SLC9A3: variants seen among roughly 807,000 people sequenced by gnomAD.
SLC9A3 encodes the protein sodium/hydrogen exchanger 3.
Under a neutral mutation model 86.8 loss-of-function variants are expected in SLC9A3, and 37 were observed. The ratio of observed to expected loss-of-function variants is 0.43; its 90% CI spans 0.33 to 0.56. SLC9A3 has a LOEUF of 0.56. Among genes scored for constraint, SLC9A3 ranks in the 20% least tolerant of loss-of-function variants. The pLI, the probability that SLC9A3 is intolerant of heterozygous loss-of-function variation, is 0.06. For synonymous variants in SLC9A3, 581 were observed against 528.3 expected (o/e 1.10, Z -1.37); for missense variants, 1,011 against 1,171.9 (o/e 0.86, Z 2.00).
rs1320617129 is a variant in SLC9A3 at position 507,183 on chromosome 5, T to TTTTTTTTTTTTTTTTTTG, written c.212-15113_212-15112insCAAAAAAAAAAAAAAAAA. Among the ~76,000 whole-genome samples, 33 of 88,976 alleles carry TTTTTTTTTTTTTTTTTTG rather than the reference T, an allele frequency of 3.7e-4. 7 individuals are homozygous for TTTTTTTTTTTTTTTTTTG. Among genetic ancestry groups the TTTTTTTTTTTTTTTTTTG allele is most frequent in the African/African-American group, 1.5e-3 (28 of 18,446 alleles). The allele number at this position is 88,976 out of a possible 152,430, so 58.4% of individuals were successfully genotyped here. On this transcript the variant is annotated intron_variant, in intron 1 of 16. Coordinates refer to ENST00000264938, the MANE Select transcript of SLC9A3 (RefSeq NM_004174.4). ...TGCTGCTTCTTTTTTTTTTTTTTTTTTTTGAGACGGAGTCTGGCTCTGTTG... is the reference window on the plus strand; with the variant it reads ...TGCTGCTTCTTTTTTTTTTTTTTTTTTTTTTTTTTTTTTTTTTGTTTGAGACGGAGTCTGGCTCTGTTG...
At chr5:512,830 C>T (rs190713096) in intron 1 of SLC9A3, among the ~76,000 whole-genome samples, 64 of 152,230 alleles carry the variant, frequency 4.2e-4, no homozygotes, top group African/African-American at 9.4e-4. Context: ...GCCCAGGCTG[C>T]GGCACCCCTG....
Position 476,666 on chromosome 5 carries a change from TTC to T in SLC9A3, c.1765_1766del (p.Glu589LysfsTer138), listed in dbSNP as rs1254240003. 6.2e-7 allele frequency: 1 copy of T among 1,604,416 alleles called. No homozygotes were observed. Among genetic ancestry groups the T allele is most frequent in the African/African-American group, 1.3e-5 (1 of 75,052 alleles). On this transcript the variant is annotated frameshift_variant, in exon 12 of 17. Coordinates refer to ENST00000264938, the MANE Select transcript of SLC9A3 (RefSeq NM_004174.4). LOFTEE classifies it high-confidence loss of function. Reference sequence around the variant, plus strand: ...TGTCCAGGCAGACAGCGCTGACATTTTCTCTCCTGCGTGGGGACCAGCGCTGA... The same window carrying T: ...TGTCCAGGCAGACAGCGCTGACATTTTCTCCTGCGTGGGGACCAGCGCTGA... ...VEASVSYLLRENVSAVCLDMQ... is the reference protein window; with the variant it reads ...VEASVSYLLRXNVSAVCLDMQ...
intron 1 of SLC9A3, among the ~76,000 whole-genome samples, chr5:511,863 C>A (rs1271523951): frequency 3.9e-5 from 6 of 152,216 alleles, no homozygotes; most frequent in African/African-American, 1.4e-4. Context: ...CCAAAATCAC[C>A]TGGAAGCAGC....
intron 1 of SLC9A3, among the ~76,000 whole-genome samples, chr5:492,929 G>A (rs562202067): frequency 3.5e-4 from 54 of 152,244 alleles, no homozygotes; most frequent in Non-Finnish European, 5.1e-4. Flanking sequence ...TCTGGGTCCC[G>A]CCACTCCACT....
At chr5:522,384 C>T (rs1733908564) in intron 1 of SLC9A3, among the ~76,000 whole-genome samples, 1 of 152,230 alleles carries the variant, frequency 6.6e-6, no homozygotes, top group Non-Finnish European at 1.5e-5. Flanking sequence ...TGGTGCCTGG[C>T]GGCTGTCATT....
At chr5:513,892 G>A (rs1024614932) in intron 1 of SLC9A3, among the ~76,000 whole-genome samples, 4 of 152,190 alleles carry the variant, frequency 2.6e-5, no homozygotes, top group South Asian at 2.1e-4. Flanking sequence ...ACAGGGCTGC[G>A]CCCCAGGGCT....
At chr5:477,081 G>C (rs1392837884) in intron 11 of SLC9A3, 3 of 513,578 alleles carry the variant, frequency 5.8e-6, no homozygotes, top group African/African-American at 3.8e-5. Context: ...TGCGGGCCAG[G>C]GGCAAACACG....
At position 488,466 on chromosome 5, in the gene SLC9A3, C is replaced by G. The variant is rs1322239834; in HGVS notation, c.525G>C (p.Gln175His). Residue 175 changes from glutamine to histidine, a missense_variant, in exon 3 of 17, where the codon CAG (glutamine) becomes CAC (histidine). By Grantham distance (24) the Gln-to-His change is conservative. Around this residue, in one of 3 missense-constraint regions of SLC9A3, gnomAD observed 565 missense variants for 790.0 expected, o/e 0.72. Transcript: ENST00000264938. ...ACAGGAGGAAGTCCAGCAGCCCAAT[C>G]TGCAGGTCGCCTGGAAGACAAGCCG... ...VFLSGLMGDL[Q>H]IGLLDFLLFG... The G allele has an allele frequency of 6.4e-7, 1 of 1,568,246 alleles. No homozygotes were observed. The highest frequency in any genetic ancestry group is 1.8e-5 in the Admixed American group (1 of 56,082).
chr5:481,759 C>T (rs539330115), intron 8 of SLC9A3, 124 bp from the exon 9 acceptor site: 31 of 866,496 alleles, frequency 3.6e-5, no homozygotes, highest in Middle Eastern at 3.1e-4. Context: ...CTGGCCTGGA[C>T]GCAGCCTCCT....
rs188726955 is a variant in SLC9A3, at chr5:508,004, A to G, written c.212-15933T>C. Reference sequence around the variant, plus strand: ...GAATCTCCACCCCACAGACGCCTGAATCTCCCCGCTACACCCAAATGCCCA... The same window carrying G: ...GAATCTCCACCCCACAGACGCCTGAGTCTCCCCGCTACACCCAAATGCCCA... On this transcript the variant is annotated intron_variant, in intron 1 of 16. Transcript: ENST00000264938. 2.6e-5 allele frequency among the ~76,000 whole-genome samples: 4 copies of G among 151,950 alleles called. No individual in the cohort carries two copies. In the East Asian group the frequency reaches 7.8e-4, roughly 29 times the overall value.
rs1643875787 is a variant in SLC9A3 at position 497,623 on chromosome 5, CA to C, written c.212-5553del. ...CTATTCTTTGGTTATTCCTCCACTTCAAAGAAGCTTCCTGAAGCTTCCAGAT... is the reference window on the plus strand; with the variant it reads ...CTATTCTTTGGTTATTCCTCCACTTCAAGAAGCTTCCTGAAGCTTCCAGAT... On this transcript the variant is annotated intron_variant, in intron 1 of 16. Coordinates refer to ENST00000264938, the MANE Select transcript of SLC9A3 (RefSeq NM_004174.4). This position sits in a 1 kb window ranked among gnomAD's most constrained non-coding sequence, Gnocchi z 5.4. Among the ~76,000 whole-genome samples, 1 of 152,350 alleles carries C rather than the reference CA, an allele frequency of 6.6e-6. No homozygotes were observed. The highest frequency in any genetic ancestry group is 6.5e-5 in the Admixed American group (1 of 15,304).
intron 6 of SLC9A3, 147 bp downstream of exon 6, chr5:483,115 C>A (rs1739293712): frequency 1.5e-6 from 1 of 663,558 alleles, no homozygotes; most frequent in Non-Finnish European, 2.6e-6. Flanking sequence ...CCCACCCCAG[C>A]CCCGAGGCCG....
In SLC9A3 at chr5:491,998, C is replaced by T; in HGVS notation, c.285G>A (p.Leu95=). ...GGTCGGCCGCCCAGACGATGCCGCC[C>T]AGCACCAGGCCCAGCACGATGAGCA... ...SALLIVLGLV[L]GGIVWAADHI... Residue 95 remains leucine (L), a synonymous_variant, in exon 2 of 17, where the codon CTG becomes CTA. Coordinates refer to ENST00000264938, the MANE Select transcript of SLC9A3 (RefSeq NM_004174.4). The surrounding 1 kb of genome is among the most constrained non-coding windows in gnomAD (Gnocchi z 9.2). 6 of 1,598,704 alleles carry T rather than the reference C, an allele frequency of 3.8e-6. No individual in the cohort carries two copies. Among genetic ancestry groups the T allele is most frequent in the Non-Finnish European group, 3.4e-6 (4 of 1,172,992 alleles).
In SLC9A3 at chr5:497,255, C is replaced by T. The variant is rs899589809; in HGVS notation, c.212-5184G>A. On this transcript the variant is annotated intron_variant, in intron 1 of 16. Coordinates refer to ENST00000264938, the MANE Select transcript of SLC9A3 (RefSeq NM_004174.4). This position sits in a 1 kb window ranked among gnomAD's most constrained non-coding sequence, Gnocchi z 5.4. Reference sequence around the variant, plus strand: ...GCTGCCCCGCAGGTGCCCCTCAAGTCACACCACTGCTCTGCCTCGGGCGAC... The same window carrying T: ...GCTGCCCCGCAGGTGCCCCTCAAGTTACACCACTGCTCTGCCTCGGGCGAC... 3.9e-5 allele frequency among the ~76,000 whole-genome samples: 6 copies of T among 152,166 alleles called. No homozygotes were observed. Among genetic ancestry groups the T allele is most frequent in the Non-Finnish European group, 8.8e-5 (6 of 68,034 alleles).
intron 1 of SLC9A3, among the ~76,000 whole-genome samples, chr5:504,443 G>A (rs926015565): frequency 1.3e-5 from 2 of 152,194 alleles, no homozygotes; most frequent in African/African-American, 4.8e-5. Context: ...CCGCTGCAGG[G>A]GCCGTTGGAT....
chr5:502,557 C>T (rs1309219850), intron 1 of SLC9A3, among the ~76,000 whole-genome samples: 1 of 152,174 alleles, frequency 6.6e-6, no homozygotes, highest in Non-Finnish European at 1.5e-5. Flanking sequence ...GGAATGTGGC[C>T]CAGCTCAAAT....
rs1283186550 is a variant in SLC9A3, at chr5:491,484, G to T, written c.514+285C>A. 1.3e-5 allele frequency among the ~76,000 whole-genome samples: 2 copies of T among 152,076 alleles called. No individual in the cohort carries two copies. Among genetic ancestry groups the T allele is most frequent in the East Asian group, 3.9e-4 (2 of 5,178 alleles). On this transcript the variant is annotated intron_variant, in intron 2 of 16. Coordinates refer to ENST00000264938, the MANE Select transcript of SLC9A3 (RefSeq NM_004174.4). This position sits in a 1 kb window ranked among gnomAD's most constrained non-coding sequence, Gnocchi z 9.2. The stretch of plus-strand genomic sequence containing the variant: ...CGAGTGTGGACGGACCCCTACCTCT[G>T]CCCAGTGCCGGAGGAAGAGCGGCAG...
At chr5:502,683 G>A (rs114053814) in intron 1 of SLC9A3, among the ~76,000 whole-genome samples, 2,114 of 152,346 alleles carry the variant, frequency 0.014, 53 homozygotes, top group African/African-American at 0.048. Context: ...AAGCCGCAGC[G>A]GTGGAGTGGA....
intron 1 of SLC9A3, among the ~76,000 whole-genome samples, chr5:515,735 C>CA (rs1733709079): frequency 7.4e-6 from 1 of 134,390 alleles, no homozygotes; most frequent in East Asian, 2.3e-4. Flanking sequence ...ACTCACACAC[C>CA]CACACACTCC....
Sources: gnomAD v4.1 joint callset for allele counts (sites outside exome capture counted in the v4.1 genomes callset) on GRCh38, gnomAD v4.1.1 for gene constraint, gnomAD v4.1.1 regional missense constraint, Gnocchi (gnomAD v3.1) non-coding constraint, MANE v1.5 for transcripts, NCBI Gene and HGNC (gene_info 2026-07-23, HGNC 2026-07-21) for gene names.